DSCAML1: variants seen among roughly 807,000 people sequenced by gnomAD.
DSCAML1 encodes DS cell adhesion molecule like 1.
In DSCAML1, 38 loss-of-function variants were observed where a neutral mutation model predicts 200.5. That is an observed-to-expected ratio of 0.19 (90% CI 0.15 to 0.25). The LOEUF (loss-of-function observed/expected upper bound fraction) is 0.25. Ranked by LOEUF, DSCAML1 falls within the 10% of genes least tolerant of loss-of-function variation. The pLI, the probability that DSCAML1 is intolerant of heterozygous loss-of-function variation, is 1.00. For synonymous variants in DSCAML1, 1,215 were observed against 1,165.0 expected (o/e 1.04, Z -0.87); for missense variants, 2,223 against 2,858.8 (o/e 0.78, Z 5.07).
intron 3 of DSCAML1, among the ~76,000 whole-genome samples, chr11:117,738,713 C>T (rs530790772): frequency 2.3e-4 from 35 of 152,124 alleles, no homozygotes; most frequent in Admixed American, 2.0e-3. Context: ...TGAGCCTCTC[C>T]GAGAGTAACT....
chr11:117,512,761 TCACACACACACACACACACA>T (rs71037482), intron 8 of DSCAML1, among the ~76,000 whole-genome samples: 11 of 113,156 alleles, frequency 9.7e-5, no homozygotes, highest in Middle Eastern at 4.7e-3. Flanking sequence ...TCCTCTAGGA[TCACACACACACACACACACA>T]CACACACACA....
At position 117,481,969 on chromosome 11, in the gene DSCAML1, T is replaced by C. The variant is rs763729943; in HGVS notation, c.2553A>G (p.Thr851=). Residue 851 remains threonine, a synonymous_variant, in exon 12 of 33, where the codon ACA becomes ACG. Coordinates refer to ENST00000651296, the MANE Select transcript of DSCAML1 (RefSeq NM_020693.4). ...TKDNGDEVVS[T]LKLKPADRGD... is the part of the protein sequence containing the mutation. ...CTGAGGTGGGGGTGCTCACCTTCAG[T>C]GTGGAGACGACCTCGTCGCCGTTGT... The C allele has an allele frequency of 7.4e-6, 12 of 1,613,860 alleles. No homozygotes were observed. In the African/African-American group the frequency reaches 9.3e-5, roughly 13 times the overall value.
At chr11:117,723,546 T>C (rs539538425) in intron 3 of DSCAML1, among the ~76,000 whole-genome samples, 1 of 152,356 alleles carries the variant, frequency 6.6e-6, no homozygotes, top group Non-Finnish European at 1.5e-5. Flanking sequence ...GCATGACTAG[T>C]TTACAGTGAA....
Position 117,780,227 on chromosome 11 carries a change from GAAAGGAAA to G in DSCAML1, c.364+258_364+265del, listed in dbSNP as rs1464016362. Among the ~76,000 whole-genome samples the G allele has an allele frequency of 5.4e-5, 5 of 93,344 alleles. No individual in the cohort carries two copies. The highest frequency in any genetic ancestry group is 2.5e-4 in the African/African-American group (5 of 19,852). The allele number at this position is 93,344 out of a possible 152,430, so 61.2% of individuals were successfully genotyped here. On this transcript the variant is annotated intron_variant, in intron 2 of 32. Coordinates refer to ENST00000651296, the MANE Select transcript of DSCAML1 (RefSeq NM_020693.4). This position sits in a 1 kb window ranked among gnomAD's most constrained non-coding sequence, Gnocchi z 4.8. ...AAAGAAAGAGAGAGAGAGAAAGAAA[GAAAGGAAA>G]GAAAGAAAGAAAGAAAGAAAGAAAG...
chr11:117,692,985 A>G (rs1591406741), intron 3 of DSCAML1, among the ~76,000 whole-genome samples: 1 of 152,252 alleles, frequency 6.6e-6, no homozygotes, highest in South Asian at 2.1e-4. Flanking sequence ...CCCACTTCCA[A>G]CATGTTCAGT....
chr11:117,708,772 T>C (rs888008830), intron 3 of DSCAML1, among the ~76,000 whole-genome samples: 29 of 152,182 alleles, frequency 1.9e-4, no homozygotes, highest in African/African-American at 6.8e-4. Context: ...AGCGATACCA[T>C]TGCGTGGACC....
At chr11:117,628,369 T>A (rs182198093) in intron 3 of DSCAML1, among the ~76,000 whole-genome samples, 5 of 152,160 alleles carry the variant, frequency 3.3e-5, no homozygotes, top group Admixed American at 6.5e-5. Context: ...GAGGAGGGAA[T>A]AGCAGGAACC....
At chr11:117,764,488 C>G (rs563743232) in intron 3 of DSCAML1, among the ~76,000 whole-genome samples, 1 of 152,206 alleles carries the variant, frequency 6.6e-6, no homozygotes, top group Non-Finnish European at 1.5e-5. Flanking sequence ...GTCTACATAA[C>G]ACAGCACCCA....
At chr11:117,450,178 G>T (rs1053728044) in intron 20 of DSCAML1, among the ~76,000 whole-genome samples, 2 of 152,214 alleles carry the variant, frequency 1.3e-5, no homozygotes, top group African/African-American at 4.8e-5. Context: ...GACCAACCAT[G>T]TTGAAAGATG....
chr11:117,512,296 C>A (rs1259221350), intron 8 of DSCAML1, among the ~76,000 whole-genome samples: 1 of 152,182 alleles, frequency 6.6e-6, no homozygotes, highest in Non-Finnish European at 1.5e-5. Flanking sequence ...TTCTCCCCCT[C>A]CAAGTCAGGG....
Position 117,505,111 on chromosome 11 carries a change from C to T in DSCAML1, c.2063-68G>A, listed in dbSNP as rs546793822. ...CTGATGGGTCTCCTAGGGCTTCGAGCACCTTCTGTTTGAGGTCAGCCCTGC... is the reference window on the plus strand; with the variant it reads ...CTGATGGGTCTCCTAGGGCTTCGAGTACCTTCTGTTTGAGGTCAGCCCTGC... On this transcript the variant is annotated intron_variant, in intron 9 of 32. Transcript: ENST00000651296. This position sits in a 1 kb window ranked among gnomAD's most constrained non-coding sequence, Gnocchi z 6.7. 1.1e-5 allele frequency: 18 copies of T among 1,565,294 alleles called. No individual in the cohort carries two copies. The highest frequency in any genetic ancestry group is 1.6e-5 in the Non-Finnish European group (18 of 1,151,106).
At chr11:117,754,234 C>T (rs2054649880) in intron 3 of DSCAML1, among the ~76,000 whole-genome samples, 1 of 152,308 alleles carries the variant, frequency 6.6e-6, no homozygotes, top group African/African-American at 2.4e-5. Context: ...CCAATCACTC[C>T]ATGATGTGCC....
intron 14 of DSCAML1, among the ~76,000 whole-genome samples, chr11:117,474,300 C>G (rs1243533069): frequency 1.3e-5 from 2 of 152,114 alleles, no homozygotes; most frequent in Non-Finnish European, 2.9e-5. Context: ...CTACTCAGCT[C>G]CATAATAAAA....
At chr11:117,754,347 G>C (rs2054651486) in intron 3 of DSCAML1, among the ~76,000 whole-genome samples, 1 of 152,184 alleles carries the variant, frequency 6.6e-6, no homozygotes, top group Admixed American at 6.5e-5. Context: ...TCCCTCAACA[G>C]CCATTGCTCT....
intron 3 of DSCAML1, among the ~76,000 whole-genome samples, chr11:117,578,160 ATGAGGC>A (rs1267757754): frequency 4.1e-5 from 6 of 146,566 alleles, no homozygotes; most frequent in Non-Finnish European, 7.5e-5. Context: ...GCCTGAAGCC[ATGAGGC>A]TGAGGTTGCA....
chr11:117,473,593 A>G (rs1219174640), intron 14 of DSCAML1, among the ~76,000 whole-genome samples: 1 of 152,140 alleles, frequency 6.6e-6, no homozygotes, highest in East Asian at 1.9e-4. Flanking sequence ...CAGGCCTCCA[A>G]TTTCTGGTTA....
At chr11:117,742,500 A>T (rs1436175448) in intron 3 of DSCAML1, among the ~76,000 whole-genome samples, 1 of 152,194 alleles carries the variant, frequency 6.6e-6, no homozygotes, top group Non-Finnish European at 1.5e-5. Flanking sequence ...AAAAAATAAT[A>T]GGATCAAGTC....
chr11:117,452,504 TCTC>T (rs1403944452), intron 19 of DSCAML1, among the ~76,000 whole-genome samples: 2 of 152,218 alleles, frequency 1.3e-5, no homozygotes, highest in African/African-American at 4.8e-5. Flanking sequence ...GTTTTAGACA[TCTC>T]CTGTAAACAG....
chr11:117,714,072 G>A (rs539859255), intron 3 of DSCAML1, among the ~76,000 whole-genome samples: 1 of 152,326 alleles, frequency 6.6e-6, no homozygotes, highest in East Asian at 1.9e-4. Context: ...CTGCATCTGT[G>A]CAATGGGGAT....
Sources: gnomAD v4.1 joint callset for allele counts (sites outside exome capture counted in the v4.1 genomes callset) on GRCh38, gnomAD v4.1.1 for gene constraint, Gnocchi (gnomAD v3.1) non-coding constraint, MANE v1.5 for transcripts, NCBI Gene and HGNC (gene_info 2026-07-23, HGNC 2026-07-21) for gene names.